Variants in SYNE3 observed in about 807,000 individuals in gnomAD.
SYNE3 encodes nesprin-3.
Under a neutral mutation model 111.2 loss-of-function variants are expected in SYNE3, and 100 were observed. The observed-to-expected ratio is 0.90, with a 90% CI of 0.77 to 1.06. The LOEUF (loss-of-function observed/expected upper bound fraction) is 1.06. SYNE3 is among the 50% of genes least tolerant of loss of function. The pLI, the probability that SYNE3 is intolerant of heterozygous loss-of-function variation, is 0.00. For synonymous variants in SYNE3, 547 were observed against 533.9 expected (o/e 1.02, Z -0.34); for missense variants, 1,160 against 1,240.3 (o/e 0.94, Z 0.97).
intron 10 of SYNE3, 131 bp from the exon 11 acceptor site, chr14:95,443,420 A>AT: frequency 1.7e-6 from 2 of 1,171,502 alleles, no homozygotes; most frequent in Admixed American, 5.6e-5. Context: ...GGGCTCTTTC[A>AT]TACCAGCGGA....
At chr14:95,481,324 A>G (rs1392269763) in intron 1 of SYNE3, among the ~76,000 whole-genome samples, 2 of 152,242 alleles carry the variant, frequency 1.3e-5, no homozygotes, top group African/African-American at 2.4e-5. Context: ...AGCCCGTGTG[A>G]GTCAAGGTCC....
chr14:95,466,224 A>C lies in SYNE3; in HGVS notation c.334T>G (p.Trp112Gly). ...AGCAGGTACTCGCTCCAGTGCAGCC[A>C]CACCCACTCGATGCGGCTGTGGGCA... ...THCHSRIEWV[W>G]LHWSEYLLAR... Residue 112 changes from tryptophan (W) to glycine (G), a missense_variant, in exon 4 of 18, where the codon TGG (tryptophan) becomes GGG (glycine). By Grantham distance (184) the Trp-to-Gly change is radical (BLOSUM62 -2). Transcript: ENST00000682763. The C allele has an allele frequency of 6.3e-7, 1 of 1,576,764 alleles. No individual in the cohort carries two copies. Among genetic ancestry groups the C allele is most frequent in the Non-Finnish European group, 8.7e-7 (1 of 1,153,092 alleles).
At chr14:95,504,778 C>T (rs1004489303) in intron 1 of SYNE3, among the ~76,000 whole-genome samples, 5 of 151,746 alleles carry the variant, frequency 3.3e-5, no homozygotes, top group South Asian at 2.1e-4. Flanking sequence ...CCCAGGAGTT[C>T]GAGATCAGCC....
intron 1 of SYNE3, among the ~76,000 whole-genome samples, chr14:95,510,534 C>T (rs1890685276): frequency 6.6e-6 from 1 of 152,210 alleles, no homozygotes; most frequent in South Asian, 2.1e-4. Context: ...GGTTTGGTGG[C>T]TCATGCCTGT....
rs745629148 is a variant in SYNE3, at chr14:95,446,069, C to T, written c.1472G>A (p.Arg491His). Residue 491 changes from arginine (R) to histidine (H), a missense_variant, in exon 9 of 18, where the codon CGC (arginine) becomes CAC (histidine). Transcript: ENST00000682763. ...QIEAALMESS[R>H]LKELLTMLQL... ...CAGCATCGTCAGCAGCTCTTTCAGG[C>T]GGGAGCTTTCCATCAGGGCTGCCTG... 26 of 1,614,064 alleles carry T rather than the reference C, an allele frequency of 1.6e-5. No individual in the cohort carries two copies. Among genetic ancestry groups the T allele is most frequent in the East Asian group, 8.9e-5 (4 of 44,878 alleles).
intron 11 of SYNE3, among the ~76,000 whole-genome samples, chr14:95,441,281 C>A (rs549951227): frequency 2.0e-5 from 3 of 152,298 alleles, no homozygotes; most frequent in South Asian, 4.1e-4. Context: ...TCAATGAGGG[C>A]CTGAGAAGTT....
In SYNE3 at chr14:95,439,171, A is replaced by G. The variant is rs1886266755; in HGVS notation, c.2247-9T>C. ...GCCAGTTTCTGATGAGGCTGAGAAG[A>G]CAAACTCAGCCCAGTCAATGCAGAG... On this transcript the variant is annotated splice_polypyrimidine_tract_variant and intron_variant, in intron 13 of 17. Coordinates refer to ENST00000682763, the MANE Select transcript of SYNE3 (RefSeq NM_152592.6). The G allele has an allele frequency of 1.2e-6, 2 of 1,614,096 alleles. No individual in the cohort carries two copies. The highest frequency in any genetic ancestry group is 1.3e-5 in the African/African-American group (1 of 74,942).
chr14:95,436,904 C>A lies in SYNE3; in HGVS notation c.2454G>T (p.Gln818His). ...TTCTAACCAGCTTGGAGTTTTCCAC[C>A]TGCAACCACTGCCCAAAGTTCCTCA... ...QLLRNFGQWL[Q>H]VENSKLVRII... Residue 818 changes from glutamine (Q) to histidine (H), a missense_variant, in exon 15 of 18, where the codon CAG becomes CAT. By Grantham distance (24) the Gln-to-His change is conservative (BLOSUM62 0). Coordinates refer to ENST00000682763, the MANE Select transcript of SYNE3 (RefSeq NM_152592.6). 1.2e-6 allele frequency: 2 copies of A among 1,614,210 alleles called. No homozygotes were observed. Among genetic ancestry groups the A allele is most frequent in the Non-Finnish European group, 1.7e-6 (2 of 1,180,048 alleles).
Position 95,452,235 on chromosome 14 carries a change from C to T in SYNE3, c.1274+12G>A. On this transcript the variant is annotated intron_variant, in intron 7 of 17. Coordinates refer to ENST00000682763, the MANE Select transcript of SYNE3 (RefSeq NM_152592.6). ...CACCCTGAGTCCCACCACCCTTGGCCTTCCCAGATACCTCTGATACTCCTG... is the reference window on the plus strand; with the variant it reads ...CACCCTGAGTCCCACCACCCTTGGCTTTCCCAGATACCTCTGATACTCCTG... The T allele has an allele frequency of 6.3e-7, 1 of 1,583,126 alleles. No homozygotes were observed. Among genetic ancestry groups the T allele is most frequent in the Non-Finnish European group, 8.6e-7 (1 of 1,158,280 alleles).
intron 17 of SYNE3, among the ~76,000 whole-genome samples, chr14:95,419,137 C>T (rs1312156077): frequency 1.3e-5 from 2 of 152,188 alleles, no homozygotes; most frequent in African/African-American, 2.4e-5. Flanking sequence ...GGATGTCTGA[C>T]TGCCAAGGAG....
chr14:95,474,141 G>A (rs1420606506), intron 2 of SYNE3, among the ~76,000 whole-genome samples: 1 of 152,194 alleles, frequency 6.6e-6, no homozygotes, highest in African/African-American at 2.4e-5. Flanking sequence ...TATGACAGTG[G>A]CTGGAGCTAA....
At chr14:95,443,993 GA>G (rs1886555937) in intron 10 of SYNE3, 1 of 157,688 alleles carries the variant, frequency 6.3e-6, no homozygotes, top group African/African-American at 2.4e-5. Context: ...GTCTTCTAGA[GA>G]ACACTCTCAA....
chr14:95,461,330 G>T (rs949430968), intron 4 of SYNE3, among the ~76,000 whole-genome samples: 3 of 152,238 alleles, frequency 2.0e-5, no homozygotes, highest in African/African-American at 7.2e-5. Context: ...GCTTCCATGT[G>T]CCTGCCTTTG....
Position 95,411,328 on chromosome 14 carries a change from A to AAG in SYNE3, c.*6497_*6498insCT, listed in dbSNP as rs1566949254. ...CTAATTTTAACATAAATTCAAAAAA[A>AAG]AAAAAAGAAAAAAGAAAAGGAGACC... On this transcript the variant is annotated 3_prime_UTR_variant, in exon 18 of 18. Coordinates refer to ENST00000682763, the MANE Select transcript of SYNE3 (RefSeq NM_152592.6). 2.0e-5 allele frequency: 3 copies of AAG among 151,706 alleles called. No individual in the cohort carries two copies. The highest frequency in any genetic ancestry group is 1.9e-4 in the East Asian group (1 of 5,184). The allele number at this position is 151,706 out of a possible 1,614,324, so 9.4% of individuals were successfully genotyped here.
At chr14:95,481,957 G>A (rs909339394) in intron 1 of SYNE3, among the ~76,000 whole-genome samples, 5 of 152,232 alleles carry the variant, frequency 3.3e-5, no homozygotes, top group African/African-American at 1.2e-4. Flanking sequence ...AGGGCCCTGT[G>A]TCCTGGGGTC....
At chr14:95,431,548 C>T (rs1168979638) in intron 17 of SYNE3, among the ~76,000 whole-genome samples, 2 of 152,186 alleles carry the variant, frequency 1.3e-5, no homozygotes, top group East Asian at 3.9e-4. Flanking sequence ...ATTGCTTCAG[C>T]CTGCAAAGAC....
chr14:95,460,689 G>A (rs761229818), intron 4 of SYNE3, among the ~76,000 whole-genome samples: 6 of 152,154 alleles, frequency 3.9e-5, no homozygotes, highest in Non-Finnish European at 7.4e-5. Context: ...CCGGGGCTTC[G>A]GCAAGCTCCC....
intron 1 of SYNE3, among the ~76,000 whole-genome samples, chr14:95,514,560 C>T (rs1485007343): frequency 1.3e-5 from 2 of 152,238 alleles, no homozygotes; most frequent in Non-Finnish European, 2.9e-5. Context: ...AAATGCTGAT[C>T]AGGGCAAAGC....
In SYNE3 at chr14:95,443,177, TG is replaced by T; in HGVS notation, c.1888del (p.Gln630ArgfsTer37). The T allele has an allele frequency of 6.2e-7, 1 of 1,614,022 alleles. No individual in the cohort carries two copies. The highest frequency in any genetic ancestry group is 8.5e-7 in the Non-Finnish European group (1 of 1,179,958). The stretch of plus-strand genomic sequence containing the variant: ...TACCTCCAGAGACCTCTGCAGGGCC[TG>T]GAAGTCGGAGGAAAGCTGGTCCATT... ...HKMDQLSSDF[Q>X]ALQRSLEDLV... On this transcript the variant is annotated frameshift_variant, in exon 11 of 18. Coordinates refer to ENST00000682763, the MANE Select transcript of SYNE3 (RefSeq NM_152592.6). LOFTEE classifies it high-confidence loss of function.
Sources: gnomAD v4.1 joint callset for allele counts (sites outside exome capture counted in the v4.1 genomes callset) on GRCh38, gnomAD v4.1.1 for gene constraint, MANE v1.5 for transcripts, NCBI Gene and HGNC (gene_info 2026-07-23, HGNC 2026-07-21) for gene names.